Variants in EVC2 observed in about 807,000 individuals in gnomAD.
The protein encoded by EVC2 is EvC ciliary complex subunit 2.
EVC2 carries 148 observed loss-of-function variants against 149.3 expected under a neutral mutation model. The observed-to-expected ratio is 0.99, with a 90% confidence interval of 0.87 to 1.14. EVC2 has a LOEUF of 1.14. Among genes scored for constraint, EVC2 ranks in the 50% most tolerant of loss-of-function variants. EVC2 has a pLI of 0.00. For missense variants in EVC2, 1,854 were observed against 1,627.3 expected, an observed-to-expected ratio of 1.14 and a Z score of -2.40; for synonymous variants, 776 against 649.9, an observed-to-expected ratio of 1.19 and a Z score of -2.95.
In EVC2 at chr4:5,637,532, C is replaced by T. The variant is rs796924283; in HGVS notation, c.1470+2982G>A. On this transcript the variant is annotated intron_variant, in intron 10 of 21. Transcript: ENST00000344408. This position sits in a 1 kb window ranked among gnomAD's most constrained non-coding sequence, Gnocchi z 4.4. ...AGGATGAGCTGTTATTGTTACACAT[C>T]GTATTTTTTAAGAGTATTTAATAAA... Among the ~76,000 whole-genome samples the T allele has an allele frequency of 6.6e-6, 1 of 152,106 alleles. No individual in the cohort carries two copies. The highest frequency in any genetic ancestry group is 1.5e-5 in the Non-Finnish European group (1 of 68,016).
chr4:5,582,120 C>G (rs2108785161), intron 17 of EVC2, among the ~76,000 whole-genome samples: 1 of 152,322 alleles, frequency 6.6e-6, no homozygotes, highest in South Asian at 2.1e-4. Flanking sequence ...GTTGGAGCCC[C>G]CACACAGAGT....
chr4:5,541,141 G>A (rs907116477), downstream of EVC2, among the ~76,000 whole-genome samples: 2 of 152,174 alleles, frequency 1.3e-5, no homozygotes, highest in Admixed American at 1.3e-4. Flanking sequence ...ACTTTTTAAG[G>A]GAGGAATCAG....
In EVC2 at chr4:5,636,972, C is replaced by A. The variant is rs953482305; in HGVS notation, c.1470+3542G>T. 1.3e-5 allele frequency among the ~76,000 whole-genome samples: 2 copies of A among 152,092 alleles called. No individual in the cohort carries two copies. The highest frequency in any genetic ancestry group is 4.8e-5 in the African/African-American group (2 of 41,400). On this transcript the variant is annotated intron_variant, in intron 10 of 21. Transcript: ENST00000344408. The surrounding 1 kb of genome is among the most constrained non-coding windows in gnomAD (Gnocchi z 4.6). ...TGGAAACAGATTGGTTCAAATAAGG[C>A]GGCTGCTTGTCTTTGAACAGAGTGA...
chr4:5,590,341 C>G (rs1712674522), intron 16 of EVC2, among the ~76,000 whole-genome samples: 1 of 152,152 alleles, frequency 6.6e-6, no homozygotes. Context: ...AAATAAAATT[C>G]TAAGCCCCTA....
At chr4:5,587,557 C>A (rs931619312) in intron 16 of EVC2, among the ~76,000 whole-genome samples, 2 of 152,192 alleles carry the variant, frequency 1.3e-5, no homozygotes, top group Non-Finnish European at 2.9e-5. Flanking sequence ...ATTCCCATTG[C>A]TCATTTTTTT....
chr4:5,700,096 C>A (rs1222234064), intron 1 of EVC2, among the ~76,000 whole-genome samples: 2 of 151,780 alleles, frequency 1.3e-5, no homozygotes, highest in East Asian at 3.9e-4. Context: ...GTGGAGATGG[C>A]GCCACTGCAC....
chr4:5,610,797 T>TTC (rs1553827488), intron 16 of EVC2, among the ~76,000 whole-genome samples: 4 of 148,352 alleles, frequency 2.7e-5, no homozygotes, highest in South Asian at 2.1e-4. Context: ...TCCTTTTCTT[T>TTC]TTTTTTTTTT....
intron 8 of EVC2, 135 bp from the exon 9 acceptor site, chr4:5,663,381 C>T (rs1039127208): frequency 8.3e-7 from 1 of 1,205,040 alleles, no homozygotes. Context: ...CACAGTAAAC[C>T]CAGACAAGCT....
At chr4:5,703,573 C>T (rs889079059) in intron 1 of EVC2, among the ~76,000 whole-genome samples, 4 of 152,220 alleles carry the variant, frequency 2.6e-5, no homozygotes, top group East Asian at 1.9e-4. Context: ...ATCCCTCAGC[C>T]ACTGCCTCAC....
chr4:5,579,667 C>T lies in EVC2; in HGVS notation c.3058-3213G>A, dbSNP rs141653897. Among the ~76,000 whole-genome samples the T allele has an allele frequency of 5.6e-3, 847 of 152,230 alleles. 5 individuals are homozygous for T. Among genetic ancestry groups the T allele is most frequent in the African/African-American group, 0.019 (781 of 41,546 alleles). ...GACCAGCCTGGCCAACATGGTGAAG[C>T]CTTGTCTCTACTAAAAATACAAAAT... On this transcript the variant is annotated intron_variant, in intron 17 of 21. Transcript: ENST00000344408.
In EVC2 at chr4:5,706,144, T is replaced by C. The variant is rs79482063; in HGVS notation, c.228+2142A>G. Among the ~76,000 whole-genome samples the C allele has an allele frequency of 4.3e-3, 646 of 151,926 alleles. 11 individuals carry two copies. Among genetic ancestry groups the C allele is most frequent in the African/African-American group, 0.013 (555 of 41,436 alleles). ...GCTAAACCTGCCCATCCTTCAAGTC[T>C]TGACTGACCTTCCAGACTAAATGAC... On this transcript the variant is annotated intron_variant, in intron 1 of 21. Coordinates refer to ENST00000344408, the MANE Select transcript of EVC2 (RefSeq NM_147127.5).
rs575543801 is a variant in EVC2 at position 5,681,173 on chromosome 4, G to A, written c.870+87C>T. On this transcript the variant is annotated intron_variant, in intron 7 of 21. Transcript: ENST00000344408. ...AACTGGGGGACCAAGGCCAGCAGCTGGCCGCTCCCCATGGCTCCAAGGACA... is the reference window on the plus strand; with the variant it reads ...AACTGGGGGACCAAGGCCAGCAGCTAGCCGCTCCCCATGGCTCCAAGGACA... The A allele has an allele frequency of 2.7e-4, 406 of 1,482,622 alleles. 1 individual carries two copies. The African/African-American group carries it at 5.0e-3, about 18-fold the overall frequency. 91.8% of individuals were successfully genotyped at this position (1,482,622 alleles called of 1,614,324 possible).
At chr4:5,579,878 G>T (rs1711608976) in intron 17 of EVC2, among the ~76,000 whole-genome samples, 1 of 152,106 alleles carries the variant, frequency 6.6e-6, no homozygotes, top group South Asian at 2.1e-4. Flanking sequence ...GCCAGGTGAG[G>T]CTTGGGAAAG....
At chr4:5,611,721 T>C (rs1355883663) in intron 16 of EVC2, among the ~76,000 whole-genome samples, 1 of 151,904 alleles carries the variant, frequency 6.6e-6, no homozygotes, top group Admixed American at 6.6e-5. Flanking sequence ...AAGAAAACAA[T>C]ATTCTGTACT....
chr4:5,546,967 C>T (rs1721633932), intron 21 of EVC2, among the ~76,000 whole-genome samples: 1 of 152,184 alleles, frequency 6.6e-6, no homozygotes, highest in African/African-American at 2.4e-5. Context: ...GGAACCAGGC[C>T]TTCTACTCCA....
rs1716952135 is a variant in EVC2 at position 5,637,320 on chromosome 4, TG to T, written c.1470+3193del. Among the ~76,000 whole-genome samples the T allele has an allele frequency of 6.6e-6, 1 of 152,012 alleles. No homozygotes were observed. The highest frequency in any genetic ancestry group is 1.5e-5 in the Non-Finnish European group (1 of 67,992). ...CTGCAGGAGGGGGCAGTGTGCGCAG[TG>T]GTTGGGGGCATGCTGCTGGACATGA... On this transcript the variant is annotated intron_variant, in intron 10 of 21. Coordinates refer to ENST00000344408, the MANE Select transcript of EVC2 (RefSeq NM_147127.5). The surrounding 1 kb of genome is among the most constrained non-coding windows in gnomAD (Gnocchi z 4.4).
intron 7 of EVC2, among the ~76,000 whole-genome samples, chr4:5,674,221 G>C (rs772505988): frequency 3.3e-5 from 5 of 152,098 alleles, no homozygotes; most frequent in African/African-American, 7.2e-5. Context: ...GTGAGATCTC[G>C]AAGATAATCA....
Position 5,576,114 on chromosome 4 carries a change from T to C in EVC2, c.3272+126A>G, listed in dbSNP as rs1722906099. ...AAGCCAGCAGCTCGTGTTGGAGCAA[T>C]GGGATGACACCTTAGGCAAGAGGGT... is the stretch of plus-strand genomic sequence containing the variant. On this transcript the variant is annotated intron_variant, in intron 18 of 21. Coordinates refer to ENST00000344408, the MANE Select transcript of EVC2 (RefSeq NM_147127.5). This position sits in a 1 kb window ranked among gnomAD's most constrained non-coding sequence, Gnocchi z 4.5. 1 of 1,494,756 alleles carries C rather than the reference T, an allele frequency of 6.7e-7. No homozygotes were observed. Among genetic ancestry groups the C allele is most frequent in the Non-Finnish European group, 9.2e-7 (1 of 1,086,918 alleles). The allele number at this position is 1,494,756 out of a possible 1,614,324, so 92.6% of individuals were successfully genotyped here.
At chr4:5,577,570 A>G (rs6843130) in intron 17 of EVC2, among the ~76,000 whole-genome samples, 75,210 of 151,976 alleles carry the variant, frequency 0.49, 21,034 homozygotes, top group East Asian at 0.86. Context: ...TTTCTGCAGA[A>G]AGGCCAAAGC....
Sources: gnomAD v4.1 joint callset for allele counts (sites outside exome capture counted in the v4.1 genomes callset) on GRCh38, gnomAD v4.1.1 for gene constraint, Gnocchi (gnomAD v3.1) non-coding constraint, MANE v1.5 for transcripts, NCBI Gene and HGNC (gene_info 2026-07-23, HGNC 2026-07-21) for gene names.